The following LRRC8D variants were observed in gnomAD, a reference collection of about 807,000 sequenced individuals.
LRRC8D encodes the protein volume-regulated anion channel subunit LRRC8D.
Under a neutral mutation model 55.8 loss-of-function variants are expected in LRRC8D, and 20 were observed. The ratio of observed to expected loss-of-function variants is 0.36; its 90% CI spans 0.25 to 0.52. The LOEUF is 0.52. LRRC8D is among the 20% of genes least tolerant of loss of function. The pLI, the probability that LRRC8D is intolerant of heterozygous loss-of-function variation, is 0.93. For synonymous variants in LRRC8D, 352 were observed against 377.0 expected, an observed-to-expected ratio of 0.93 and a Z score of 0.77; for missense variants, 651 against 1,030.8, an observed-to-expected ratio of 0.63 and a Z score of 5.05.
At chr1:89,829,169 C>T (rs6699453) in intron 1 of LRRC8D, among the ~76,000 whole-genome samples, 2 of 152,202 alleles carry the variant, frequency 1.3e-5, no homozygotes, top group Non-Finnish European at 2.9e-5. Context: ...TCAGAGTATT[C>T]TCAGATATGG....
chr1:89,827,412 G>GT (rs1345152729), intron 1 of LRRC8D, among the ~76,000 whole-genome samples: 17 of 151,574 alleles, frequency 1.1e-4, no homozygotes, highest in Admixed American at 1.0e-3. Flanking sequence ...TTTTCACTGT[G>GT]TTTTTTCCCC....
intron 1 of LRRC8D, among the ~76,000 whole-genome samples, chr1:89,826,822 C>T (rs1660776878): frequency 6.6e-6 from 1 of 152,144 alleles, no homozygotes; most frequent in South Asian, 2.1e-4. Flanking sequence ...AAATGTCTAA[C>T]CACTGGGTAT....
At position 89,911,509 on chromosome 1, in the gene LRRC8D, A is replaced by C. The variant is rs1244848072; in HGVS notation, c.-2-21558A>C. Among the ~76,000 whole-genome samples, 1 of 152,170 alleles carries C rather than the reference A, an allele frequency of 6.6e-6. No homozygotes were observed. The highest frequency in any genetic ancestry group is 2.4e-5 in the African/African-American group (1 of 41,436). ...AAAATAAGAAACAAGTAGCCGTAAG[A>C]AAAACATCTTGGTACTCTCTCACCC... On this transcript the variant is annotated intron_variant, in intron 2 of 2. Transcript: ENST00000337338. This position sits in a 1 kb window ranked among gnomAD's most constrained non-coding sequence, Gnocchi z 4.0.
At chr1:89,892,127 G>A (rs578180088) in intron 2 of LRRC8D, among the ~76,000 whole-genome samples, 1 of 152,332 alleles carries the variant, frequency 6.6e-6, no homozygotes, top group South Asian at 2.1e-4. Context: ...TAGTGGTCAA[G>A]CCATATGTTT....
chr1:89,874,180 A>C (rs1662092008), intron 2 of LRRC8D, among the ~76,000 whole-genome samples: 1 of 152,194 alleles, frequency 6.6e-6, no homozygotes, highest in African/African-American at 2.4e-5. Flanking sequence ...CAAAGCTGAA[A>C]ACATCATAAA....
chr1:89,863,557 A>G (rs1661771574), intron 2 of LRRC8D, among the ~76,000 whole-genome samples: 1 of 151,960 alleles, frequency 6.6e-6, no homozygotes, highest in African/African-American at 2.4e-5. Context: ...CCTAGCTTTC[A>G]GAGAGCTCAT....
At chr1:89,891,398 A>T (rs1045548360) in intron 2 of LRRC8D, among the ~76,000 whole-genome samples, 1 of 152,174 alleles carries the variant, frequency 6.6e-6, no homozygotes, top group African/African-American at 2.4e-5. Flanking sequence ...GATAACTGTG[A>T]TCTGTTAGTA....
intron 2 of LRRC8D, among the ~76,000 whole-genome samples, chr1:89,860,779 AAAAAAAATAT>A (rs1216626724): frequency 1.4e-5 from 1 of 70,008 alleles, no homozygotes; most frequent in African/African-American, 4.2e-5. Context: ...AAAAAAAAAA[AAAAAAAATAT>A]ATATATATAT....
intron 2 of LRRC8D, among the ~76,000 whole-genome samples, chr1:89,848,504 C>T (rs1347521987): frequency 2.0e-5 from 3 of 152,164 alleles, no homozygotes; most frequent in Middle Eastern, 6.8e-3. Flanking sequence ...GAATGTAAGT[C>T]ATTCTGCTTG....
intron 2 of LRRC8D, among the ~76,000 whole-genome samples, chr1:89,868,659 A>C (rs1214063157): frequency 6.6e-6 from 1 of 152,180 alleles, no homozygotes; most frequent in Non-Finnish European, 1.5e-5. Flanking sequence ...CAACTCGATG[A>C]AGTTGATCCT....
chr1:89,893,591 A>C (rs558737412), intron 2 of LRRC8D, among the ~76,000 whole-genome samples: 1 of 152,234 alleles, frequency 6.6e-6, no homozygotes, highest in South Asian at 2.1e-4. Context: ...CCAAGCATAC[A>C]TTTTTTCCCT....
intron 2 of LRRC8D, among the ~76,000 whole-genome samples, chr1:89,863,438 C>G (rs1661768770): frequency 6.6e-6 from 1 of 152,160 alleles, no homozygotes; most frequent in African/African-American, 2.4e-5. Context: ...GCCTGGGAAC[C>G]TCAGTTTCTT....
intron 1 of LRRC8D, among the ~76,000 whole-genome samples, chr1:89,840,689 G>T (rs1661112310): frequency 6.6e-6 from 1 of 152,142 alleles, no homozygotes; most frequent in Non-Finnish European, 1.5e-5. Flanking sequence ...GACAAAATAG[G>T]AATAGTCTAC....
chr1:89,877,898 A>G (rs1047817853), intron 2 of LRRC8D, among the ~76,000 whole-genome samples: 4 of 152,322 alleles, frequency 2.6e-5, no homozygotes, highest in Non-Finnish European at 4.4e-5. Flanking sequence ...GTATGTTTCT[A>G]TTTTATCTTG....
At chr1:89,877,747 G>A (rs1417587869) in intron 2 of LRRC8D, among the ~76,000 whole-genome samples, 1 of 152,170 alleles carries the variant, frequency 6.6e-6, no homozygotes, top group African/African-American at 2.4e-5. Flanking sequence ...TATTGTCTAG[G>A]TTTTATTGAT....
intron 2 of LRRC8D, among the ~76,000 whole-genome samples, chr1:89,929,027 G>C (rs1293016096): frequency 6.6e-6 from 1 of 152,220 alleles, no homozygotes; most frequent in Non-Finnish European, 1.5e-5. Flanking sequence ...TGATGATCAA[G>C]ATCTCAAAAT....
At chr1:89,827,869 A>G (rs968527683) in intron 1 of LRRC8D, among the ~76,000 whole-genome samples, 1 of 152,228 alleles carries the variant, frequency 6.6e-6, no homozygotes, top group African/African-American at 2.4e-5. Context: ...ACTTTACAAG[A>G]TATAAATTCA....
At chr1:89,828,751 T>A (rs1462742733) in intron 1 of LRRC8D, among the ~76,000 whole-genome samples, 1 of 152,202 alleles carries the variant, frequency 6.6e-6, no homozygotes, top group African/African-American at 2.4e-5. Flanking sequence ...AGCATTTTTT[T>A]TTTCTTAAAA....
At chr1:89,843,552 G>C (rs1012471768) in intron 1 of LRRC8D, 86 bp from the exon 2 acceptor site, 1 of 685,472 alleles carries the variant, frequency 1.5e-6, no homozygotes, top group Non-Finnish European at 2.7e-6. Context: ...CCCTGGTCTT[G>C]CCTCCCCGCC....
Sources: gnomAD v4.1 joint callset for allele counts (sites outside exome capture counted in the v4.1 genomes callset) on GRCh38, gnomAD v4.1.1 for gene constraint, Gnocchi (gnomAD v3.1) non-coding constraint, MANE v1.5 for transcripts, NCBI Gene and HGNC (gene_info 2026-07-23, HGNC 2026-07-21) for gene names.